Variants in INPP5F observed in about 807,000 individuals in gnomAD.
INPP5F encodes inositol polyphosphate-5-phosphatase F.
INPP5F carries 97 observed loss-of-function variants against 137.2 expected under a neutral mutation model. The observed-to-expected ratio is 0.71, with a 90% confidence interval of 0.60 to 0.84. The LOEUF is 0.84. Among genes scored for constraint, INPP5F ranks in the 40% least tolerant of loss-of-function variants. The pLI is 0.00. For synonymous variants in INPP5F, 504 were observed against 476.9 expected, an observed-to-expected ratio of 1.06 and a Z score of -0.74; for missense variants, 1,271 against 1,371.9, an observed-to-expected ratio of 0.93 and a Z score of 1.16.
In INPP5F at chr10:119,799,470, A is replaced by C; in HGVS notation, c.1116+860A>C. 3.2e-5 allele frequency: 7 copies of C among 217,834 alleles called. No homozygotes were observed. In the South Asian group the frequency reaches 4.0e-4, roughly 13 times the overall value. 13.5% of individuals were successfully genotyped at this position (217,834 alleles called of 1,614,324 possible). ...TCCTGGAAGGGAAGTCTCAATATTAAATAGATTTCAGTTCTTCCTAAATTA... is the reference window on the plus strand; with the variant it reads ...TCCTGGAAGGGAAGTCTCAATATTACATAGATTTCAGTTCTTCCTAAATTA... On this transcript the variant is annotated intron_variant, in intron 9 of 19. Transcript: ENST00000650623.
At chr10:119,773,050 A>G (rs189301951) in intron 2 of INPP5F, among the ~76,000 whole-genome samples, 1 of 150,528 alleles carries the variant, frequency 6.6e-6, no homozygotes, top group African/African-American at 2.4e-5. Context: ...GCCCAGCCTA[A>G]TTTTTAAAAA....
intron 9 of INPP5F, among the ~76,000 whole-genome samples, chr10:119,800,159 ATTTGTT>A (rs1850530650): frequency 6.6e-6 from 1 of 151,998 alleles, no homozygotes; most frequent in Non-Finnish European, 1.5e-5. Context: ...AAAAACTTGT[ATTTGTT>A]AAGACACAAG....
chr10:119,739,549 G>A (rs1459774795), intron 1 of INPP5F, among the ~76,000 whole-genome samples: 1 of 152,198 alleles, frequency 6.6e-6, no homozygotes, highest in Non-Finnish European at 1.5e-5. Context: ...CTGGACTGCA[G>A]GTATGTAGTG....
chr10:119,797,020 G>A, intron 7 of INPP5F, 107 bp downstream of exon 7: 1 of 1,077,030 alleles, frequency 9.3e-7, no homozygotes, highest in Non-Finnish European at 1.4e-6. Flanking sequence ...AACACAGTTG[G>A]CTTCAAAGTG....
intron 14 of INPP5F, among the ~76,000 whole-genome samples, chr10:119,811,467 A>T (rs1487859460): frequency 6.6e-6 from 1 of 152,116 alleles, no homozygotes; most frequent in Non-Finnish European, 1.5e-5. Context: ...AGATAGATGA[A>T]TTGTAAATAT....
At chr10:119,746,179 G>A (rs1403178836) in intron 1 of INPP5F, among the ~76,000 whole-genome samples, 2 of 152,138 alleles carry the variant, frequency 1.3e-5, no homozygotes, top group Non-Finnish European at 2.9e-5. Context: ...TACTTGATAT[G>A]TGTTTCTCCA....
chr10:119,798,601 C>CA lies in INPP5F; in HGVS notation c.1113dup (p.Gln372ThrfsTer5). On this transcript the variant is annotated frameshift_variant, in exon 9 of 20. Transcript: ENST00000650623. LOFTEE classifies it high-confidence loss of function. ...ATTTCGAAGAACAACTGAACATTTA[C>CA]AAAAAACAGGTGGGCTTTGATTTAC... 6.2e-7 allele frequency: 1 copy of CA among 1,609,436 alleles called. No individual in the cohort carries two copies. The highest frequency in any genetic ancestry group is 8.5e-7 in the Non-Finnish European group (1 of 1,177,134).
chr10:119,778,156 A>G (rs946087509), intron 2 of INPP5F, among the ~76,000 whole-genome samples: 4 of 151,960 alleles, frequency 2.6e-5, no homozygotes, highest in Non-Finnish European at 5.9e-5. Flanking sequence ...ACATACGTGC[A>G]CCACCATGCC....
rs1851817433 is a variant in INPP5F at position 119,827,528 on chromosome 10, T to TGAGACAGGGCTTCATGTAACTC, written c.3148_3169dup (p.Pro1057ArgfsTer15). On this transcript the variant is annotated frameshift_variant, in exon 20 of 20. Transcript: ENST00000650623. LOFTEE classifies it high-confidence loss of function. Reference sequence around the variant, plus strand: ...CCTCCGCTTCCAGCATGCTTGAACTTGAGACAGGGCTTCATGTAACTCCTT... The same window carrying TGAGACAGGGCTTCATGTAACTC: ...CCTCCGCTTCCAGCATGCTTGAACTTGAGACAGGGCTTCATGTAACTCGAGACAGGGCTTCATGTAACTCCTT... 1.9e-6 allele frequency: 3 copies of TGAGACAGGGCTTCATGTAACTC among 1,614,030 alleles called. No homozygotes were observed. The highest frequency in any genetic ancestry group is 2.5e-6 in the Non-Finnish European group (3 of 1,180,010).
intron 1 of INPP5F, among the ~76,000 whole-genome samples, chr10:119,728,763 C>T (rs1459253235): frequency 1.3e-5 from 2 of 152,194 alleles, no homozygotes; most frequent in African/African-American, 4.8e-5. Flanking sequence ...CTTTTCCTAC[C>T]TAGTCCATTC....
At chr10:119,727,288 A>G (rs186191177) in intron 1 of INPP5F, among the ~76,000 whole-genome samples, 1 of 152,360 alleles carries the variant, frequency 6.6e-6, no homozygotes, top group East Asian at 1.9e-4. Context: ...TGTAATTCTT[A>G]TGTGCAGTCT....
At chr10:119,821,339 T>C (rs1851552210) in intron 16 of INPP5F, among the ~76,000 whole-genome samples, 1 of 117,406 alleles carries the variant, frequency 8.5e-6, no homozygotes, top group African/African-American at 3.2e-5. Flanking sequence ...TGCAATAACG[T>C]GTGTGTGTGT....
chr10:119,766,541 CAT>C (rs1849169672), intron 2 of INPP5F, among the ~76,000 whole-genome samples: 3 of 151,984 alleles, frequency 2.0e-5, no homozygotes, highest in Non-Finnish European at 4.4e-5. Context: ...AAGGAAAAAA[CAT>C]AAAGAAAACC....
chr10:119,739,563 A>C (rs1259726008), intron 1 of INPP5F, among the ~76,000 whole-genome samples: 1 of 152,166 alleles, frequency 6.6e-6, no homozygotes, highest in African/African-American at 2.4e-5. Flanking sequence ...TGTAGTGGTA[A>C]ACTGTAAATA....
chr10:119,751,230 C>T, intron 2 of INPP5F, 74 bp downstream of exon 2: 1 of 905,800 alleles, frequency 1.1e-6, no homozygotes, highest in Admixed American at 1.8e-5. Flanking sequence ...TTTGAGGATA[C>T]ATGAGATTCT....
chr10:119,786,100 C>T (rs1229336490), intron 3 of INPP5F, among the ~76,000 whole-genome samples: 2 of 152,150 alleles, frequency 1.3e-5, no homozygotes, highest in Non-Finnish European at 2.9e-5. Flanking sequence ...GATGTAGGTA[C>T]CAGCTTTTCA....
In INPP5F at chr10:119,823,745, T is replaced by C. The variant is rs939878276; in HGVS notation, c.2162-70T>C. On this transcript the variant is annotated intron_variant, in intron 18 of 19. Transcript: ENST00000650623. Reference sequence around the variant, plus strand: ...ACGACAAATTTCATTCAGCGCTAAATGGGTTAGAACTGCTATTTTTTTTAG... The same window carrying C: ...ACGACAAATTTCATTCAGCGCTAAACGGGTTAGAACTGCTATTTTTTTTAG... 3 of 1,142,492 alleles carry C rather than the reference T, an allele frequency of 2.6e-6. No individual in the cohort carries two copies. The African/African-American group carries it at 4.7e-5, about 18-fold the overall frequency. 70.8% of individuals were successfully genotyped at this position (1,142,492 alleles called of 1,614,324 possible). A position where few individuals can be genotyped will look rare whatever the true frequency, so the allele number is the denominator to read the frequency against.
At chr10:119,741,781 C>T (rs2134111621) in intron 1 of INPP5F, among the ~76,000 whole-genome samples, 1 of 152,178 alleles carries the variant, frequency 6.6e-6, no homozygotes, top group East Asian at 1.9e-4. Context: ...GTGATGCACC[C>T]ACCTCAGCCT....
chr10:119,738,648 TACACACACAC>T (rs57713774), intron 1 of INPP5F, among the ~76,000 whole-genome samples: 33 of 150,208 alleles, frequency 2.2e-4, no homozygotes, highest in East Asian at 3.9e-4. Context: ...AGATTTTAAA[TACACACACAC>T]ACACACACAC....
Sources: allele counts gnomAD v4.1 joint callset (sites outside exome capture counted in the v4.1 genomes callset), GRCh38; gene constraint gnomAD v4.1.1; transcripts MANE v1.5; gene names NCBI Gene and HGNC (gene_info 2026-07-23, HGNC 2026-07-21).